Variants in TMEM50A observed in about 807,000 individuals in gnomAD.
The protein encoded by TMEM50A is transmembrane protein 50A.
A neutral mutation model predicts 23.9 loss-of-function variants in TMEM50A; 8 were observed. The observed-to-expected ratio is 0.33, with a 90% CI of 0.20 to 0.60. The LOEUF is 0.60. Among genes scored for constraint, TMEM50A ranks in the 20% least tolerant of loss-of-function variants. The probability of loss-of-function intolerance (pLI) is 0.81; values close to 1 mark genes in which losing one functional copy is unlikely to be tolerated. For synonymous variants in TMEM50A, 55 were observed against 60.4 expected, an observed-to-expected ratio of 0.91 and a Z score of 0.41; for missense variants, 178 against 192.7, an observed-to-expected ratio of 0.92 and a Z score of 0.45.
At chr1:25,353,365 C>T (rs966522874) in intron 5 of TMEM50A, among the ~76,000 whole-genome samples, 1 of 152,194 alleles carries the variant, frequency 6.6e-6, no homozygotes, top group Non-Finnish European at 1.5e-5. Flanking sequence ...CCACTGCAGC[C>T]TCAACCTCCT....
At chr1:25,348,656 G>A (rs528593220) in intron 3 of TMEM50A, among the ~76,000 whole-genome samples, 1 of 147,372 alleles carries the variant, frequency 6.8e-6, no homozygotes, top group Non-Finnish European at 1.5e-5. Flanking sequence ...CTGCACTCCA[G>A]CCTGGCGATA....
In TMEM50A at chr1:25,354,197, C is replaced by T. The variant is rs539014025; in HGVS notation, c.367+1223C>T. 3.9e-5 allele frequency among the ~76,000 whole-genome samples: 6 copies of T among 152,058 alleles called. No individual in the cohort carries two copies. The South Asian group carries it at 8.3e-4, about 21-fold the overall frequency. On this transcript the variant is annotated intron_variant, in intron 5 of 6. Coordinates refer to ENST00000374358, the MANE Select transcript of TMEM50A (RefSeq NM_014313.4). ...TAGAGATGGGGCTTCACCATGTTGC[C>T]CAGGCTGGTCTCAAACTCCTGGGCT...
intron 6 of TMEM50A, 105 bp downstream of exon 6, chr1:25,356,958 C>T (rs1320985440): frequency 2.8e-6 from 2 of 722,622 alleles, no homozygotes; most frequent in Non-Finnish European, 4.5e-6. Flanking sequence ...CAATGCCCCT[C>T]CCCCATGATA....
intron 6 of TMEM50A, among the ~76,000 whole-genome samples, chr1:25,357,556 TGTGTGTTGTG>T (rs1645346261): frequency 6.8e-6 from 1 of 147,476 alleles, no homozygotes; most frequent in Admixed American, 6.7e-5. Flanking sequence ...TGTGTGTGTG[TGTGTGTTGTG>T]TGTGTGTGTG....
At chr1:25,344,232 C>T (rs1381865600) in intron 3 of TMEM50A, among the ~76,000 whole-genome samples, 1 of 152,084 alleles carries the variant, frequency 6.6e-6, no homozygotes, top group Non-Finnish European at 1.5e-5. Context: ...CAGAGCAAGA[C>T]CCCATCACAA....
In TMEM50A at chr1:25,362,121, C is replaced by T; in HGVS notation, c.*1416C>T. 3.1e-6 allele frequency: 1 copy of T among 322,492 alleles called. No individual in the cohort carries two copies. The highest frequency in any genetic ancestry group is 4.7e-5 in the Admixed American group (1 of 21,356). 20.0% of individuals were successfully genotyped at this position (322,492 alleles called of 1,614,324 possible). A position where few individuals can be genotyped will look rare whatever the true frequency, so the allele number is the denominator to read the frequency against. The stretch of plus-strand genomic sequence containing the variant: ...AAACTGCTGGGAGAAAAGCATGATT[C>T]CCACAAGGACTAAGTATCAGTGATT... On this transcript the variant is annotated 3_prime_UTR_variant, in exon 7 of 7. Transcript: ENST00000374358.
intron 3 of TMEM50A, among the ~76,000 whole-genome samples, chr1:25,349,798 C>T (rs1645258365): frequency 6.6e-6 from 1 of 152,182 alleles, no homozygotes; most frequent in East Asian, 1.9e-4. Context: ...AGCCCCTAGC[C>T]TTGTGCTAGG....
chr1:25,351,761 A>G (rs1645277704), intron 4 of TMEM50A, 68 bp downstream of exon 4: 1 of 1,327,608 alleles, frequency 7.5e-7, no homozygotes, highest in Admixed American at 2.0e-5. Context: ...TCACATGGAA[A>G]TACCACTTTT....
intron 3 of TMEM50A, among the ~76,000 whole-genome samples, chr1:25,349,590 A>G (rs1331302491): frequency 1.3e-5 from 2 of 152,210 alleles, no homozygotes; most frequent in East Asian, 3.8e-4. Context: ...AAGACATCAT[A>G]TTACTGTGAA....
intron 3 of TMEM50A, among the ~76,000 whole-genome samples, chr1:25,348,453 G>A (rs561679708): frequency 1.3e-5 from 2 of 152,270 alleles, no homozygotes; most frequent in South Asian, 4.1e-4. Context: ...TTGGGAGGCC[G>A]AGGTGGAAGG....
chr1:25,341,726 ACT>A (rs1487775801), intron 2 of TMEM50A, among the ~76,000 whole-genome samples: 2 of 152,052 alleles, frequency 1.3e-5, no homozygotes, highest in East Asian at 3.9e-4. Flanking sequence ...ACAGGGTCTC[ACT>A]CTGTCTCCCA....
At chr1:25,342,878 G>T in intron 2 of TMEM50A, 83 bp from the exon 3 acceptor site, 6 of 1,061,078 alleles carry the variant, frequency 5.7e-6, no homozygotes, top group Middle Eastern at 2.1e-4. Flanking sequence ...TATTAAAAGG[G>T]ATCTCCTCAC....
intron 3 of TMEM50A, among the ~76,000 whole-genome samples, chr1:25,344,753 ATG>A (rs1557584520): frequency 1.3e-5 from 2 of 151,442 alleles, no homozygotes; most frequent in Non-Finnish European, 2.9e-5. Context: ...GGTAGAAAGA[ATG>A]TATATTTTCT....
At chr1:25,356,950 A>C in intron 6 of TMEM50A, 97 bp downstream of exon 6, 2 of 769,264 alleles carry the variant, frequency 2.6e-6, no homozygotes, top group Non-Finnish European at 4.2e-6. Context: ...TACTCATCCA[A>C]TGCCCCTCCC....
At chr1:25,351,382 A>G (rs1645273692) in intron 3 of TMEM50A, among the ~76,000 whole-genome samples, 2 of 152,006 alleles carry the variant, frequency 1.3e-5, no homozygotes, top group Non-Finnish European at 2.9e-5. Context: ...GGTGGTGCAC[A>G]CCTGTAATCC....
intron 3 of TMEM50A, among the ~76,000 whole-genome samples, chr1:25,349,771 G>A (rs1430025133): frequency 1.3e-5 from 2 of 152,146 alleles, no homozygotes; most frequent in African/African-American, 4.8e-5. Context: ...CATTTATTGA[G>A]CACCTACTAT....
intron 6 of TMEM50A, 132 bp from the exon 7 acceptor site, chr1:25,360,528 A>T: frequency 1.1e-6 from 1 of 891,440 alleles, no homozygotes; most frequent in Non-Finnish European, 1.8e-6. Flanking sequence ...CTGTTTTGAT[A>T]CATTTCGTAC....
intron 6 of TMEM50A, among the ~76,000 whole-genome samples, chr1:25,357,950 C>A (rs1465390880): frequency 8.0e-6 from 1 of 125,702 alleles, no homozygotes; most frequent in Non-Finnish European, 1.7e-5. Flanking sequence ...ATCAGGAGTT[C>A]TTTTTTTTTT....
At chr1:25,343,537 G>T (rs983457304) in intron 3 of TMEM50A, among the ~76,000 whole-genome samples, 7 of 152,148 alleles carry the variant, frequency 4.6e-5, no homozygotes, top group Admixed American at 1.3e-4. Context: ...AGGAGAAAGG[G>T]ATGTCAATAG....
Sources: gnomAD v4.1 joint callset for allele counts (sites outside exome capture counted in the v4.1 genomes callset) on GRCh38, gnomAD v4.1.1 for gene constraint, MANE v1.5 for transcripts, NCBI Gene and HGNC (gene_info 2026-07-23, HGNC 2026-07-21) for gene names.